The following ADAMTSL1 variants were observed in gnomAD, a reference collection of about 807,000 sequenced individuals.
ADAMTSL1 encodes ADAMTS like 1, also known as ADAMTS-like protein 1.
Under a neutral mutation model 201.8 loss-of-function variants are expected in ADAMTSL1, and 126 were observed. The ratio of observed to expected loss-of-function variants is 0.62; its 90% CI spans 0.54 to 0.72. The LOEUF (loss-of-function observed/expected upper bound fraction) is 0.72. Among genes scored for constraint, ADAMTSL1 ranks in the 30% least tolerant of loss-of-function variants. The pLI is 0.00. For synonymous variants in ADAMTSL1, 1,121 were observed against 903.4 expected (o/e 1.24, Z -4.32); for missense variants, 2,679 against 2,277.8 (o/e 1.18, Z -3.59).
At chr9:18,886,211 TAC>T (rs33989297) in intron 23 of ADAMTSL1, among the ~76,000 whole-genome samples, 1,993 of 105,406 alleles carry the variant, frequency 0.019, 61 homozygotes, top group Middle Eastern at 0.038. Flanking sequence ...TATATATATA[TAC>T]ACACACATAC....
At chr9:18,091,934 C>G (rs1305829222) in intron 1 of ADAMTSL1, among the ~76,000 whole-genome samples, 1 of 152,044 alleles carries the variant, frequency 6.6e-6, no homozygotes, top group Admixed American at 6.6e-5. Context: ...CCAAGACAAG[C>G]TTTTAATTTT....
intron 2 of ADAMTSL1, among the ~76,000 whole-genome samples, chr9:18,255,378 T>C (rs867023700): frequency 7.9e-5 from 12 of 152,144 alleles, no homozygotes; most frequent in Non-Finnish European, 1.5e-4. Flanking sequence ...AATGAGGCTT[T>C]GATAGTAAAA....
At chr9:18,724,263 CT>C (rs1292702822) in intron 15 of ADAMTSL1, among the ~76,000 whole-genome samples, 2 of 152,170 alleles carry the variant, frequency 1.3e-5, no homozygotes, top group Non-Finnish European at 2.9e-5. Flanking sequence ...TAGGGAGCCA[CT>C]TTTTTTCTTG....
At chr9:18,435,375 T>C (rs901596721) in intron 2 of ADAMTSL1, among the ~76,000 whole-genome samples, 3 of 152,220 alleles carry the variant, frequency 2.0e-5, no homozygotes, top group Admixed American at 1.3e-4. Context: ...TCTGGGGATG[T>C]CATGGTGAGT....
intron 1 of ADAMTSL1, among the ~76,000 whole-genome samples, chr9:17,979,618 T>A (rs1818606150): frequency 6.6e-6 from 1 of 152,286 alleles, no homozygotes; most frequent in East Asian, 1.9e-4. Flanking sequence ...CTTTGAATTC[T>A]TAGGAGCTTT....
At chr9:18,427,741 A>G (rs1587170212) in intron 2 of ADAMTSL1, among the ~76,000 whole-genome samples, 3 of 152,248 alleles carry the variant, frequency 2.0e-5, no homozygotes, top group Admixed American at 6.5e-5. Context: ...TGCAGGTTAC[A>G]TTTTCCTAAA....
At chr9:18,845,356 A>C (rs1026019588) in intron 23 of ADAMTSL1, among the ~76,000 whole-genome samples, 2 of 152,200 alleles carry the variant, frequency 1.3e-5, no homozygotes, top group African/African-American at 4.8e-5. Flanking sequence ...CAGTCATTCC[A>C]ACCTGAGTGT....
At chr9:18,880,146 TTCC>T (rs1321736215) in intron 23 of ADAMTSL1, among the ~76,000 whole-genome samples, 1 of 152,172 alleles carries the variant, frequency 6.6e-6, no homozygotes, top group Non-Finnish European at 1.5e-5. Context: ...CTGCAGTGAC[TTCC>T]TCAACACTGA....
Position 18,706,859 on chromosome 9 carries a change from C to T in ADAMTSL1, c.1687C>T (p.Pro563Ser). Reference sequence around the variant, plus strand: ...TTTCTCTCAGTCCGTGGCTGACCTGCCTATTGACGAGTGTGAAGGGCCCAA... The same window carrying T: ...TTTCTCTCAGTCCGTGGCTGACCTGTCTATTGACGAGTGTGAAGGGCCCAA... ...LSFSQSVADLPIDECEGPKPA... is the reference protein window; with the variant it reads ...LSFSQSVADLSIDECEGPKPA... Residue 563 changes from proline to serine, a missense_variant, in exon 14 of 29, where the codon CCT becomes TCT. Physicochemically the swap from Pro to Ser is moderately conservative, Grantham distance 74. Transcript: ENST00000380548. 6.2e-7 allele frequency: 1 copy of T among 1,613,552 alleles called. No individual in the cohort carries two copies. The highest frequency in any genetic ancestry group is 8.5e-7 in the Non-Finnish European group (1 of 1,179,654).
intron 15 of ADAMTSL1, among the ~76,000 whole-genome samples, chr9:18,735,110 C>T (rs1818428922): frequency 6.6e-6 from 1 of 152,162 alleles, no homozygotes; most frequent in Admixed American, 6.5e-5. Flanking sequence ...TCCAAGGTAC[C>T]ATGCTGCCTC....
chr9:18,490,320 T>G, intron 1 of ADAMTSL1, among the ~76,000 whole-genome samples: 1 of 150,168 alleles, frequency 6.7e-6, no homozygotes, highest in Non-Finnish European at 1.5e-5. Flanking sequence ...GCAGAGGCAA[T>G]TGATTGGAGG....
At chr9:18,383,756 C>T (rs1352726120) in intron 2 of ADAMTSL1, among the ~76,000 whole-genome samples, 1 of 152,166 alleles carries the variant, frequency 6.6e-6, no homozygotes, top group Admixed American at 6.5e-5. Context: ...TTCTTCCAGC[C>T]AGTTAGAACT....
At chr9:17,938,900 A>C (rs1164276452) in intron 1 of ADAMTSL1, among the ~76,000 whole-genome samples, 1 of 152,160 alleles carries the variant, frequency 6.6e-6, no homozygotes, top group African/African-American at 2.4e-5. Flanking sequence ...TAAGCTGGAC[A>C]TAGAGAAAAC....
intron 15 of ADAMTSL1, among the ~76,000 whole-genome samples, chr9:18,749,716 G>C (rs970622376): frequency 2.6e-5 from 4 of 152,232 alleles, no homozygotes; most frequent in African/African-American, 9.6e-5. Context: ...GAGAAGTAGG[G>C]AAGAGTCTCT....
chr9:18,900,225 A>G (rs1276437370), intron 26 of ADAMTSL1, among the ~76,000 whole-genome samples: 2 of 152,242 alleles, frequency 1.3e-5, no homozygotes, highest in South Asian at 4.1e-4. Flanking sequence ...CAAAACCACA[A>G]TGAGATAACA....
intron 7 of ADAMTSL1, among the ~76,000 whole-genome samples, chr9:18,646,978 T>A (rs1376248039): frequency 2.0e-5 from 3 of 152,186 alleles, no homozygotes; most frequent in African/African-American, 7.2e-5. Flanking sequence ...CAGTTCCTCC[T>A]TGTACCTCTG....
intron 1 of ADAMTSL1, among the ~76,000 whole-genome samples, chr9:17,929,857 C>A (rs1826707220): frequency 6.6e-6 from 1 of 152,144 alleles, no homozygotes; most frequent in Admixed American, 6.6e-5. Flanking sequence ...CACTTCTTTG[C>A]ATTTTTGTTA....
intron 2 of ADAMTSL1, among the ~76,000 whole-genome samples, chr9:18,181,681 T>C (rs548309951): frequency 4.8e-4 from 73 of 152,192 alleles, no homozygotes; most frequent in African/African-American, 1.6e-3. Flanking sequence ...ACTTTTACAC[T>C]GTTGGTGGGA....
rs113092717 is a variant in ADAMTSL1 at position 18,172,606 on chromosome 9, A to G, written c.207+8625A>G. 1.2e-3 allele frequency among the ~76,000 whole-genome samples: 180 copies of G among 152,172 alleles called. 1 individual carries two copies. The highest frequency in any genetic ancestry group is 4.0e-3 in the African/African-American group (168 of 41,544). Reference sequence around the variant, plus strand: ...ATAAGGTTGAATATATTCATGTCCTAAATCCCAGCAATTTCACTTTAAAAA... The same window carrying G: ...ATAAGGTTGAATATATTCATGTCCTGAATCCCAGCAATTTCACTTTAAAAA... On this transcript the variant is annotated intron_variant, in intron 2 of 29. Coordinates refer to the ADAMTSL1 transcript ENST00000680146.
Sources: gnomAD v4.1 joint callset for allele counts (sites outside exome capture counted in the v4.1 genomes callset) on GRCh38, gnomAD v4.1.1 for gene constraint, MANE v1.5 for transcripts, NCBI Gene and HGNC (gene_info 2026-07-23, HGNC 2026-07-21) for gene names.